MAGI2: variants seen among roughly 807,000 people sequenced by gnomAD.
The protein encoded by MAGI2 is membrane associated guanylate kinase, WW and PDZ domain containing 2.
Under a neutral mutation model 133.3 loss-of-function variants are expected in MAGI2, and 35 were observed. The ratio of observed to expected loss-of-function variants is 0.26; its 90% CI spans 0.20 to 0.35. MAGI2 has a LOEUF of 0.35. MAGI2 is among the 10% of genes least tolerant of loss of function. The pLI is 1.00. For missense variants in MAGI2, 1,636 were observed against 1,863.4 expected (o/e 0.88, Z 2.25); for synonymous variants, 729 against 710.6 (o/e 1.03, Z -0.41).
chr7:78,677,747 C>T (rs1405591547), intron 2 of MAGI2, among the ~76,000 whole-genome samples: 1 of 152,034 alleles, frequency 6.6e-6, no homozygotes, highest in Non-Finnish European at 1.5e-5. Context: ...TTCGTCCAAT[C>T]CTCTTAGTTT....
At chr7:78,183,516 G>A (rs190056289) in intron 13 of MAGI2, among the ~76,000 whole-genome samples, 380 of 151,988 alleles carry the variant, frequency 2.5e-3, no homozygotes, top group African/African-American at 8.5e-3. Flanking sequence ...TGCCAGACTC[G>A]GCCTCCCAAA....
intron 6 of MAGI2, among the ~76,000 whole-genome samples, chr7:78,408,628 C>T (rs919558764): frequency 1.2e-4 from 19 of 152,184 alleles, no homozygotes; most frequent in African/African-American, 4.6e-4. Context: ...TCCAATTTGG[C>T]AGTCTAGCCA....
At chr7:78,537,423 C>A (rs1485389033) in intron 3 of MAGI2, among the ~76,000 whole-genome samples, 1 of 152,174 alleles carries the variant, frequency 6.6e-6, no homozygotes, top group Non-Finnish European at 1.5e-5. Context: ...AATCTCCATA[C>A]TGTTTTCCAT....
intron 21 of MAGI2, among the ~76,000 whole-genome samples, chr7:78,073,396 T>G (rs1814925888): frequency 6.9e-6 from 1 of 144,302 alleles, no homozygotes; most frequent in South Asian, 2.2e-4. Context: ...TCTTTAACCC[T>G]GCTTGGCCTC....
At chr7:78,633,307 A>T (rs1178646730) in intron 2 of MAGI2, among the ~76,000 whole-genome samples, 3 of 152,194 alleles carry the variant, frequency 2.0e-5, no homozygotes. Context: ...TACTGGGCTT[A>T]GTACCTGGGT....
chr7:78,332,294 G>C (rs954833742), intron 9 of MAGI2, among the ~76,000 whole-genome samples: 18 of 152,350 alleles, frequency 1.2e-4, no homozygotes, highest in South Asian at 6.2e-4. Context: ...AGCATAGCAT[G>C]GTTTTAAGAA....
chr7:78,741,666 T>A (rs1822447320), intron 2 of MAGI2, among the ~76,000 whole-genome samples: 1 of 152,124 alleles, frequency 6.6e-6, no homozygotes, highest in Non-Finnish European at 1.5e-5. Context: ...AATCTTAGCT[T>A]TGCCTCTTTA....
intron 1 of MAGI2, among the ~76,000 whole-genome samples, chr7:79,305,468 A>T (rs1837715157): frequency 6.6e-6 from 1 of 152,224 alleles, no homozygotes; most frequent in South Asian, 2.1e-4. Context: ...TTAATACCTC[A>T]TTCTTTCACA....
chr7:78,226,651 T>C (rs1563290366), intron 10 of MAGI2, among the ~76,000 whole-genome samples: 1 of 152,244 alleles, frequency 6.6e-6, no homozygotes, highest in African/African-American at 2.4e-5. Flanking sequence ...ACGGTCTGCC[T>C]TTGAATAGCT....
chr7:78,786,490 C>G (rs1300099306), intron 2 of MAGI2, among the ~76,000 whole-genome samples: 1 of 152,192 alleles, frequency 6.6e-6, no homozygotes, highest in Non-Finnish European at 1.5e-5. Context: ...CTGGCCACTT[C>G]TAAGCCCCCA....
At chr7:79,381,042 C>T (rs762542887) in intron 1 of MAGI2, among the ~76,000 whole-genome samples, 1 of 151,722 alleles carries the variant, frequency 6.6e-6, no homozygotes, top group East Asian at 1.9e-4. Context: ...CCAGTTATAA[C>T]CCTTCACAAA....
chr7:79,160,458 T>C (rs373695773), intron 1 of MAGI2, among the ~76,000 whole-genome samples: 2 of 152,082 alleles, frequency 1.3e-5, no homozygotes, highest in African/African-American at 4.8e-5. Flanking sequence ...AAAGGAATTG[T>C]TCCATTTTGT....
At chr7:78,265,107 C>G (rs1423074195) in intron 9 of MAGI2, among the ~76,000 whole-genome samples, 1 of 151,902 alleles carries the variant, frequency 6.6e-6, no homozygotes, top group Admixed American at 6.6e-5. Context: ...TATGATTAAG[C>G]AGCACACATC....
chr7:78,904,986 A>G (rs941531635), intron 2 of MAGI2, among the ~76,000 whole-genome samples: 5 of 152,044 alleles, frequency 3.3e-5, no homozygotes, highest in Non-Finnish European at 7.4e-5. Context: ...GTCAAAGAGT[A>G]TTGTTCCTCA....
chr7:78,805,376 C>A (rs1383651692), intron 2 of MAGI2, among the ~76,000 whole-genome samples: 3 of 152,052 alleles, frequency 2.0e-5, no homozygotes, highest in Non-Finnish European at 4.4e-5. Context: ...TGTTCTCTAC[C>A]CTTCCTGATT....
At chr7:79,353,456 A>C (rs914810810) in intron 1 of MAGI2, 4 of 456,094 alleles carry the variant, frequency 8.8e-6, no homozygotes, top group Admixed American at 7.0e-5. Context: ...TTGGAACCCC[A>C]GGACAATCCT....
At chr7:79,117,725 A>G (rs1819531120) in intron 1 of MAGI2, among the ~76,000 whole-genome samples, 1 of 152,202 alleles carries the variant, frequency 6.6e-6, no homozygotes, top group South Asian at 2.1e-4. Flanking sequence ...GGTACTTTGA[A>G]AAGAAAAAAC....
chr7:79,020,191 G>T (rs530307276), intron 1 of MAGI2, among the ~76,000 whole-genome samples: 77 of 152,270 alleles, frequency 5.1e-4, no homozygotes, highest in Non-Finnish European at 1.0e-3. Flanking sequence ...GAGGCATTTT[G>T]TTCCTACCTT....
At chr7:78,350,599 T>G (rs568919929) in intron 7 of MAGI2, 3 of 152,326 alleles carry the variant, frequency 2.0e-5, no homozygotes, top group South Asian at 4.1e-4. Flanking sequence ...AATGCAACTT[T>G]GCTCCTGAAG....
Sources: allele counts gnomAD v4.1 joint callset (sites outside exome capture counted in the v4.1 genomes callset), GRCh38; gene constraint gnomAD v4.1.1; transcripts MANE v1.5; gene names NCBI Gene and HGNC (gene_info 2026-07-23, HGNC 2026-07-21).